The following TRPS1 variants were observed in gnomAD, a reference collection of about 807,000 sequenced individuals.
The protein encoded by TRPS1 is zinc finger transcription factor Trps1.
A neutral mutation model predicts 101.2 loss-of-function variants in TRPS1; 6 were observed. That is an observed-to-expected ratio of 0.06 (90% CI 0.03 to 0.12). The LOEUF is 0.12. Among genes scored for constraint, TRPS1 ranks in the 10% least tolerant of loss-of-function variants. The pLI, the probability that TRPS1 is intolerant of heterozygous loss-of-function variation, is 1.00. For synonymous variants in TRPS1, 578 were observed against 589.8 expected, an observed-to-expected ratio of 0.98 and a Z score of 0.29; for missense variants, 1,363 against 1,567.0, an observed-to-expected ratio of 0.87 and a Z score of 2.20.
intron 2 of TRPS1, among the ~76,000 whole-genome samples, chr8:115,622,411 T>A (rs1300983404): frequency 1.3e-5 from 2 of 152,026 alleles, no homozygotes; most frequent in African/African-American, 4.8e-5. Context: ...ACTGAAAAAA[T>A]TAGTTATCAT....
In TRPS1 at chr8:115,418,233, C is replaced by A. The variant is rs2129767876; in HGVS notation, c.2823+97G>T. On this transcript the variant is annotated intron_variant, in intron 6 of 6. Coordinates refer to ENST00000395715, the MANE Select transcript of TRPS1 (RefSeq NM_014112.5). The surrounding 1 kb of genome is among the most constrained non-coding windows in gnomAD (Gnocchi z 4.3). ...CTGTATTAAAACAACCCTGCGGGGGCAGGCACTGCAAGCCAGGGAATGGGA... is the reference window on the plus strand; with the variant it reads ...CTGTATTAAAACAACCCTGCGGGGGAAGGCACTGCAAGCCAGGGAATGGGA... 2.5e-6 allele frequency: 4 copies of A among 1,602,850 alleles called. No homozygotes were observed. In the East Asian group the frequency reaches 8.9e-5, roughly 36 times the overall value.
Position 115,414,114 on chromosome 8 carries a change from C to T in TRPS1, c.3794G>A (p.Cys1265Tyr), listed in dbSNP as rs1812853804. ...PFQCSICQHL[C>Y]TDKYDFTTHI... ...TGTTGTGAAGTCATATTTGTCCGTG[C>T]AAAGATGCTGGCATATGCTGCACTG... is the stretch of plus-strand genomic sequence containing the variant. The change falls in exon 7 of 7, where the codon TGC becomes TAC. Residue 1265 changes from cysteine (C) to tyrosine (Y), a missense_variant. Physicochemically the swap from Cys to Tyr is radical, Grantham distance 194. Coordinates refer to ENST00000395715, the MANE Select transcript of TRPS1 (RefSeq NM_014112.5). The surrounding 1 kb of genome is among the most constrained non-coding windows in gnomAD (Gnocchi z 4.8). The T allele has an allele frequency of 6.2e-7, 1 of 1,613,770 alleles. No individual in the cohort carries two copies. The highest frequency in any genetic ancestry group is 8.5e-7 in the Non-Finnish European group (1 of 1,179,932).
rs1812741856 is a variant in TRPS1, at chr8:115,409,668, A to C, written c.*4355T>G. 1 of 152,104 alleles carries C rather than the reference A, an allele frequency of 6.6e-6. No individual in the cohort carries two copies. Among genetic ancestry groups the C allele is most frequent in the Non-Finnish European group, 1.5e-5 (1 of 68,008 alleles). 9.4% of individuals were successfully genotyped at this position (152,104 alleles called of 1,614,324 possible). A position where few individuals can be genotyped will look rare whatever the true frequency, so the allele number is the denominator to read the frequency against. On this transcript the variant is annotated 3_prime_UTR_variant, in exon 7 of 7. Coordinates refer to ENST00000395715, the MANE Select transcript of TRPS1 (RefSeq NM_014112.5). ...AAAGGAAGTGCTCTGCAAAGAATCC[A>C]TGCCTCTGCCCTTGGCCGTCTTTCT...
In TRPS1 at chr8:115,517,610, T is replaced by C. The variant is rs190988601; in HGVS notation, c.2700+69391A>G. 3.3e-3 allele frequency among the ~76,000 whole-genome samples: 501 copies of C among 151,732 alleles called. 1 individual carries two copies. The highest frequency in any genetic ancestry group is 5.4e-3 in the Non-Finnish European group (363 of 67,746). ...CAATATGCAGAGAAAAAAAGATTAA[T>C]GGTGTGAATTAATGTTATGATATAC... On this transcript the variant is annotated intron_variant, in intron 5 of 6. Coordinates refer to ENST00000395715, the MANE Select transcript of TRPS1 (RefSeq NM_014112.5).
At position 115,413,873 on chromosome 8, in the gene TRPS1, A is replaced by T; in HGVS notation, c.*150T>A. 1 of 770,334 alleles carries T rather than the reference A, an allele frequency of 1.3e-6. No individual in the cohort carries two copies. The highest frequency in any genetic ancestry group is 1.9e-5 in the South Asian group (1 of 51,598). The allele number at this position is 770,334 out of a possible 1,614,324, so 47.7% of individuals were successfully genotyped here. A position where few individuals can be genotyped will look rare whatever the true frequency, so the allele number is the denominator to read the frequency against. ...TTTAATCTTGGTAACCTACTCATCA[A>T]AAGAAAGAATAACAAAAGAAGGGAA... On this transcript the variant is annotated 3_prime_UTR_variant, in exon 7 of 7. Transcript: ENST00000395715.
chr8:115,649,522 A>G (rs1386704089), intron 1 of TRPS1, among the ~76,000 whole-genome samples: 1 of 152,196 alleles, frequency 6.6e-6, no homozygotes, highest in Non-Finnish European at 1.5e-5. Flanking sequence ...TGAAGACAAC[A>G]TACAGCACAC....
intron 5 of TRPS1, among the ~76,000 whole-genome samples, chr8:115,450,254 C>A (rs1031390146): frequency 1.3e-5 from 2 of 152,250 alleles, no homozygotes; most frequent in Admixed American, 6.5e-5. Context: ...CTGTTCTGAT[C>A]GTGATATGGA....
intron 5 of TRPS1, among the ~76,000 whole-genome samples, chr8:115,419,795 T>G (rs939630902): frequency 7.2e-5 from 11 of 152,192 alleles, no homozygotes; most frequent in African/African-American, 2.7e-4. Flanking sequence ...TATAGGGTAA[T>G]TTTTCCATCC....
At chr8:115,445,315 C>G (rs1384458260) in intron 5 of TRPS1, among the ~76,000 whole-genome samples, 1 of 152,162 alleles carries the variant, frequency 6.6e-6, no homozygotes, top group East Asian at 1.9e-4. Context: ...TGCTTTATGT[C>G]TACTATGCTT....
At chr8:115,542,534 A>C (rs1322752494) in intron 5 of TRPS1, among the ~76,000 whole-genome samples, 1 of 152,178 alleles carries the variant, frequency 6.6e-6, no homozygotes, top group Non-Finnish European at 1.5e-5. Context: ...GAACTTAGAA[A>C]AAAAAAGAAA....
At chr8:115,420,252 G>A (rs190449697) in intron 5 of TRPS1, among the ~76,000 whole-genome samples, 1 of 152,288 alleles carries the variant, frequency 6.6e-6, no homozygotes, top group East Asian at 1.9e-4. Flanking sequence ...AAGTCCCAGT[G>A]AAGGCCTACT....
intron 5 of TRPS1, among the ~76,000 whole-genome samples, chr8:115,431,850 T>G (rs1162780280): frequency 6.6e-6 from 1 of 151,926 alleles, no homozygotes; most frequent in Non-Finnish European, 1.5e-5. Context: ...TTGAGCAAAT[T>G]TTGGGTGGTA....
intron 5 of TRPS1, among the ~76,000 whole-genome samples, chr8:115,498,058 T>C (rs1815194259): frequency 6.6e-6 from 1 of 152,106 alleles, no homozygotes; most frequent in South Asian, 2.1e-4. Flanking sequence ...TGGGCACTAC[T>C]GCCTTACCAT....
At chr8:115,533,449 T>TGTTTTTTTTTTG (rs1182320214) in intron 5 of TRPS1, among the ~76,000 whole-genome samples, 10 of 123,320 alleles carry the variant, frequency 8.1e-5, no homozygotes, top group African/African-American at 2.9e-4. Flanking sequence ...TTTTTTTTTT[T>TGTTTTTTTTTTG]TTTTTTTTTT....
intron 5 of TRPS1, among the ~76,000 whole-genome samples, chr8:115,455,834 G>A (rs1814007093): frequency 6.8e-6 from 1 of 147,224 alleles, no homozygotes; most frequent in Non-Finnish European, 1.5e-5. Flanking sequence ...GCCCAGGCTG[G>A]AGTGCAGTGG....
chr8:115,450,300 C>T (rs923119215), intron 5 of TRPS1, among the ~76,000 whole-genome samples: 4 of 152,154 alleles, frequency 2.6e-5, no homozygotes, highest in East Asian at 1.9e-4. Context: ...TGAGATTAGA[C>T]AGTCCATACT....
At chr8:115,629,092 G>A (rs530565320) in intron 1 of TRPS1, among the ~76,000 whole-genome samples, 1 of 151,798 alleles carries the variant, frequency 6.6e-6, no homozygotes, top group East Asian at 1.9e-4. Flanking sequence ...CTCTAAGAAA[G>A]TAATGCTCAA....
intron 5 of TRPS1, among the ~76,000 whole-genome samples, chr8:115,475,530 G>A (rs1393297542): frequency 7.9e-5 from 12 of 152,012 alleles, no homozygotes; most frequent in African/African-American, 2.7e-4. Context: ...TAAATGTATG[G>A]TAATATGCTG....
chr8:115,612,962 T>C (rs1008584774), intron 3 of TRPS1, among the ~76,000 whole-genome samples: 2 of 152,028 alleles, frequency 1.3e-5, no homozygotes, highest in Non-Finnish European at 2.9e-5. Flanking sequence ...AGGACATAAA[T>C]GGGAATGGAG....
Sources: gnomAD v4.1 joint callset for allele counts (sites outside exome capture counted in the v4.1 genomes callset) on GRCh38, gnomAD v4.1.1 for gene constraint, Gnocchi (gnomAD v3.1) non-coding constraint, MANE v1.5 for transcripts, NCBI Gene and HGNC (gene_info 2026-07-23, HGNC 2026-07-21) for gene names.